The following CCDC136 variants were observed in gnomAD, a reference collection of about 807,000 sequenced individuals.
The protein encoded by CCDC136 is coiled-coil domain containing 136.
Under a neutral mutation model 141.2 loss-of-function variants are expected in CCDC136, and 100 were observed. The observed-to-expected ratio is 0.71, with a 90% CI of 0.60 to 0.84. The LOEUF (loss-of-function observed/expected upper bound fraction) is 0.84, where lower values mean the gene tolerates loss of function less well. Ranked by LOEUF, CCDC136 falls within the 40% of genes least tolerant of loss-of-function variation. The pLI is 0.00. For missense variants in CCDC136, 1,206 were observed against 1,379.4 expected (o/e 0.87, Z 1.99); for synonymous variants, 474 against 531.9 (o/e 0.89, Z 1.50).
chr7:128,818,404 G>T (rs1806967930), intron 17 of CCDC136: 1 of 153,756 alleles, frequency 6.5e-6, no homozygotes, highest in Non-Finnish European at 1.4e-5. Flanking sequence ...TTGGTAGGAG[G>T]GCAACCTAAG....
rs573874490 is a variant in CCDC136, at chr7:128,801,238, A to C, written c.399A>C (p.Glu133Asp). The change falls in exon 4 of 18, where the codon GAA becomes GAC. Residue 133 changes from glutamate (E) to aspartate (D), a missense_variant. By Grantham distance (45) the Glu-to-Asp change is conservative. Coordinates refer to ENST00000297788, the MANE Select transcript of CCDC136 (RefSeq NM_022742.5). ...EEISLLEHEK[E>D]SELKEIEQEL... ...TTTCCCTGTTAGAGCATGAGAAAGA[A>C]AGCGAACTTAAGGAAATAGAACAGG... The C allele has an allele frequency of 6.8e-6, 11 of 1,613,978 alleles. No individual in the cohort carries two copies. In the South Asian group the frequency reaches 1.1e-4, roughly 16 times the overall value.
At chr7:128,797,395 C>T (rs1026585491) in intron 3 of CCDC136, among the ~76,000 whole-genome samples, 1 of 152,138 alleles carries the variant, frequency 6.6e-6, no homozygotes, top group African/African-American at 2.4e-5. Flanking sequence ...CATGGAGAGA[C>T]ACCAGAAGAG....
At chr7:128,803,741 T>G (rs1804397556) in intron 4 of CCDC136, among the ~76,000 whole-genome samples, 1 of 152,050 alleles carries the variant, frequency 6.6e-6, no homozygotes. Context: ...GGATCTCTTC[T>G]AATGCTTGAG....
chr7:128,807,213 T>A (rs1418819865), intron 9 of CCDC136, 147 bp from the exon 10 acceptor site: 1 of 452,652 alleles, frequency 2.2e-6, no homozygotes, highest in Non-Finnish European at 3.7e-6. Context: ...CAGGGACGGG[T>A]CCATCTTGGG....
chr7:128,815,078 G>T (rs906475023), intron 15 of CCDC136, among the ~76,000 whole-genome samples, 159 bp downstream of exon 15: 1 of 152,192 alleles, frequency 6.6e-6, no homozygotes, highest in Non-Finnish European at 1.5e-5. Context: ...TGGAAAGTGG[G>T]TGCTCCCTTT....
chr7:128,798,375 G>A (rs1202792336), intron 3 of CCDC136, among the ~76,000 whole-genome samples: 4 of 76,234 alleles, frequency 5.2e-5, no homozygotes, highest in Non-Finnish European at 1.1e-4. Flanking sequence ...CCTCAGCTTC[G>A]CGAGTAGCTG....
rs369256399 is a variant in CCDC136 at position 128,817,760 on chromosome 7, A to G, written c.3366A>G (p.Ser1122=). The change falls in exon 17 of 18, where the codon TCA becomes TCG. Residue 1122 remains serine, a splice_region_variant and synonymous_variant. Coordinates refer to ENST00000297788, the MANE Select transcript of CCDC136 (RefSeq NM_022742.5). This position sits in a 1 kb window ranked among gnomAD's most constrained non-coding sequence, Gnocchi z 4.6. The part of the protein sequence containing the change: ...NPLRLSESKK[S]SPTPNPPIFS... ...TTTCTCATTTTGGTGTGTTGCAGTCATCCCCTACCCCCAATCCCCCCATCT... is the reference window on the plus strand; with the variant it reads ...TTTCTCATTTTGGTGTGTTGCAGTCGTCCCCTACCCCCAATCCCCCCATCT... 247 of 1,612,096 alleles carry G rather than the reference A, an allele frequency of 1.5e-4. No homozygotes were observed. The highest frequency in any genetic ancestry group is 2.3e-4 in the Admixed American group (14 of 59,962).
intron 16 of CCDC136, 31 bp downstream of exon 16, chr7:128,815,962 G>A: frequency 6.3e-7 from 1 of 1,582,922 alleles, no homozygotes; most frequent in Admixed American, 1.8e-5. Context: ...GATCAAGTGG[G>A]AAGTGGGGTC....
chr7:128,794,241 G>A lies in CCDC136; in HGVS notation c.17-107G>A, dbSNP rs1802614093. 6.8e-7 allele frequency: 1 copy of A among 1,470,912 alleles called. No homozygotes were observed. The highest frequency in any genetic ancestry group is 9.3e-7 in the Non-Finnish European group (1 of 1,076,732). The allele number at this position is 1,470,912 out of a possible 1,614,324, so 91.1% of individuals were successfully genotyped here. A position where few individuals can be genotyped will look rare whatever the true frequency, so the allele number is the denominator to read the frequency against. ...GGGGCTCCTTGGGGGACACCAGGTG[G>A]CACTAGTATGTCATCTCTGCCCTGG... On this transcript the variant is annotated intron_variant, in intron 1 of 17. Coordinates refer to ENST00000297788, the MANE Select transcript of CCDC136 (RefSeq NM_022742.5). This position sits in a 1 kb window ranked among gnomAD's most constrained non-coding sequence, Gnocchi z 4.3.
chr7:128,814,543 AG>A, intron 14 of CCDC136, 94 bp from the exon 15 acceptor site: 1 of 898,052 alleles, frequency 1.1e-6, no homozygotes, highest in Non-Finnish European at 1.7e-6. Flanking sequence ...TTTCTGAGAC[AG>A]TGACCCCCAA....
intron 3 of CCDC136, among the ~76,000 whole-genome samples, chr7:128,800,938 TTG>T (rs1803928996): frequency 6.6e-6 from 1 of 152,226 alleles, no homozygotes; most frequent in African/African-American, 2.4e-5. Flanking sequence ...GACTAAGTGA[TTG>T]TTTTGGTGCC....
Position 128,810,264 on chromosome 7 carries a change from C to A in CCDC136, c.1926C>A (p.Ile642=). ...GTGTATTAAAAGAACAATTAGAGAT[C>A]CACGAAGAGCTGCGACGTTTCAAAG... is the stretch of plus-strand genomic sequence containing the variant. ...QDCVLKEQLE[I]HEELRRFKES... is the part of the protein sequence containing the mutation. Residue 642 remains isoleucine (I), a synonymous_variant, in exon 12 of 18, where the codon ATC becomes ATA. Transcript: ENST00000297788. The A allele has an allele frequency of 6.2e-7, 1 of 1,613,772 alleles. No individual in the cohort carries two copies. Among genetic ancestry groups the A allele is most frequent in the Non-Finnish European group, 8.5e-7 (1 of 1,179,764 alleles).
In CCDC136 at chr7:128,810,435, G is replaced by A. The variant is rs1585104175; in HGVS notation, c.2028+69G>A. The A allele has an allele frequency of 6.9e-6, 8 of 1,161,064 alleles. No homozygotes were observed. In the South Asian group the frequency reaches 7.0e-5, roughly 10 times the overall value. The allele number at this position is 1,161,064 out of a possible 1,614,324, so 71.9% of individuals were successfully genotyped here. On this transcript the variant is annotated intron_variant, in intron 12 of 17. Coordinates refer to ENST00000297788, the MANE Select transcript of CCDC136 (RefSeq NM_022742.5). ...CAGCATGGCAGAGAGAGTGGGCACC[G>A]CCGAAGGGTCAGAGTTGGGAAGGCG...
chr7:128,812,457 A>G, intron 13 of CCDC136, 145 bp downstream of exon 13: 2 of 932,946 alleles, frequency 2.1e-6, no homozygotes, highest in Non-Finnish European at 3.1e-6. Flanking sequence ...GAAGCCCTCT[A>G]CCCATGGCAG....
rs1249379180 is a variant in CCDC136 at position 128,809,448 on chromosome 7, A to G, written c.1606-2A>G. 1 of 1,168,170 alleles carries G rather than the reference A, an allele frequency of 8.6e-7. No homozygotes were observed. Among genetic ancestry groups the G allele is most frequent in the Non-Finnish European group, 1.2e-6 (1 of 848,810 alleles). The allele number at this position is 1,168,170 out of a possible 1,614,324, so 72.4% of individuals were successfully genotyped here. On this transcript the variant is annotated splice_acceptor_variant, in intron 10 of 17. Coordinates refer to ENST00000297788, the MANE Select transcript of CCDC136 (RefSeq NM_022742.5). LOFTEE classifies it high-confidence loss of function. Reference sequence around the variant, plus strand: ...CCCCTCCACACCCGCCCCCACCCACAGTGTGACACACTGCTGTCCAGACTG... The same window carrying G: ...CCCCTCCACACCCGCCCCCACCCACGGTGTGACACACTGCTGTCCAGACTG...
At chr7:128,792,480 C>T in intron 1 of CCDC136, 53 bp downstream of exon 1, 1 of 1,402,960 alleles carries the variant, frequency 7.1e-7, no homozygotes, top group Non-Finnish European at 9.9e-7. Context: ...CCCTTAATTC[C>T]CTTCTTTCCT....
intron 1 of CCDC136, among the ~76,000 whole-genome samples, chr7:128,793,027 G>A (rs1293443195): frequency 6.6e-6 from 1 of 152,260 alleles, no homozygotes; most frequent in Non-Finnish European, 1.5e-5. Flanking sequence ...CCTGTGAAGT[G>A]TTGCACGTTG....
At chr7:128,792,475 A>T in intron 1 of CCDC136, 48 bp downstream of exon 1, 1 of 1,449,246 alleles carries the variant, frequency 6.9e-7, no homozygotes, top group Non-Finnish European at 9.5e-7. Flanking sequence ...CTCCTCCCTT[A>T]ATTCCCTTCT....
At chr7:128,792,492 C>G in intron 1 of CCDC136, 65 bp downstream of exon 1, 1 of 1,291,444 alleles carries the variant, frequency 7.7e-7, no homozygotes, top group Non-Finnish European at 1.1e-6. Flanking sequence ...TTCTTTCCTC[C>G]CTCTGACCCC....
Sources: allele counts gnomAD v4.1 joint callset (sites outside exome capture counted in the v4.1 genomes callset), GRCh38; gene constraint gnomAD v4.1.1; non-coding constraint Gnocchi (gnomAD v3.1); transcripts MANE v1.5; gene names NCBI Gene and HGNC (gene_info 2026-07-23, HGNC 2026-07-21).